The following ITGA4 variants were observed in gnomAD, a reference collection of about 807,000 sequenced individuals.
ITGA4 encodes the protein integrin subunit alpha 4, also known as integrin alpha-4.
A neutral mutation model predicts 133.6 loss-of-function variants in ITGA4; 63 were observed. The observed-to-expected ratio is 0.47, with a 90% CI of 0.38 to 0.58. ITGA4 has a LOEUF of 0.58. Ranked by LOEUF, ITGA4 falls within the 20% of genes least tolerant of loss-of-function variation. The probability of loss-of-function intolerance (pLI) is 0.00; values close to 1 mark genes in which losing one functional copy is unlikely to be tolerated. For missense variants in ITGA4, 1,076 were observed against 1,252.7 expected (o/e 0.86, Z 2.13); for synonymous variants, 483 against 438.0 (o/e 1.10, Z -1.28).
intron 27 of ITGA4, among the ~76,000 whole-genome samples, chr2:181,535,136 G>A (rs931107805): frequency 2.6e-5 from 4 of 151,896 alleles, no homozygotes; most frequent in African/African-American, 9.7e-5. Context: ...TTGAAAGACA[G>A]ACGTTCCTTT....
At chr2:181,466,437 T>A (rs926447254) in intron 2 of ITGA4, among the ~76,000 whole-genome samples, 24 of 152,080 alleles carry the variant, frequency 1.6e-4, no homozygotes, top group African/African-American at 3.1e-4. Flanking sequence ...CACATTTTTT[T>A]AAAAAAACAT....
chr2:181,462,679 G>T (rs1685315148), intron 2 of ITGA4, among the ~76,000 whole-genome samples: 2 of 152,280 alleles, frequency 1.3e-5, no homozygotes, highest in Admixed American at 1.3e-4. Flanking sequence ...TTACCAGAAA[G>T]AAGTTTCCTT....
intron 5 of ITGA4, chr2:181,479,529 G>A (rs1685756796): frequency 6.6e-6 from 1 of 151,904 alleles, no homozygotes; most frequent in Admixed American, 6.6e-5. Flanking sequence ...TTGTTTAGGA[G>A]TATAGAAATA....
At chr2:181,461,271 G>GC (rs1685269628) in intron 2 of ITGA4, among the ~76,000 whole-genome samples, 2 of 149,838 alleles carry the variant, frequency 1.3e-5, no homozygotes, top group African/African-American at 4.9e-5. Context: ...TGACTGCAGA[G>GC]CCAGCACCAA....
Position 181,495,806 on chromosome 2 carries a change from A to T in ITGA4, c.1409A>T (p.Asp470Val). The T allele has an allele frequency of 6.2e-7, 1 of 1,613,844 alleles. No homozygotes were observed. The highest frequency in any genetic ancestry group is 8.5e-7 in the Non-Finnish European group (1 of 1,179,800). ...LLRTRPVVIV[D>V]ASLSHPESVN... ...AGGACAAGACCTGTAGTAATTGTTG[A>T]CGCTTCTTTAAGCCACCCTGAGTCA... is the stretch of plus-strand genomic sequence containing the variant. The change falls in exon 14 of 28, where the codon GAC (aspartate) becomes GTC (valine). Residue 470 changes from aspartate to valine, a missense_variant. Asp to Val is a radical substitution (Grantham distance 152, BLOSUM62 -3). Coordinates refer to ENST00000397033, the MANE Select transcript of ITGA4 (RefSeq NM_000885.6). This position sits in a 1 kb window ranked among gnomAD's most constrained non-coding sequence, Gnocchi z 4.3.
At chr2:181,489,636 G>A (rs190222209) in intron 10 of ITGA4, among the ~76,000 whole-genome samples, 20 of 152,156 alleles carry the variant, frequency 1.3e-4, no homozygotes, top group Admixed American at 3.3e-4. Flanking sequence ...TTAATATATC[G>A]TCAAATCATT....
At chr2:181,527,574 T>G (rs1031062919) in intron 22 of ITGA4, 187 bp downstream of exon 22, 3 of 506,682 alleles carry the variant, frequency 5.9e-6, no homozygotes, top group Non-Finnish European at 1.1e-5. Flanking sequence ...ACTTGTCTTG[T>G]CCCTGATATT....
Position 181,495,226 on chromosome 2 carries a change from G to C in ITGA4, c.1340-145G>C. 1.6e-6 allele frequency: 1 copy of C among 619,128 alleles called. No individual in the cohort carries two copies. The highest frequency in any genetic ancestry group is 2.9e-6 in the Non-Finnish European group (1 of 347,378). 38.4% of individuals were successfully genotyped at this position (619,128 alleles called of 1,614,324 possible). On this transcript the variant is annotated intron_variant, in intron 12 of 27. Transcript: ENST00000397033. The surrounding 1 kb of genome is among the most constrained non-coding windows in gnomAD (Gnocchi z 4.3). Reference sequence around the variant, plus strand: ...GATTCAGAGAAAAGTGGAAAGAATCGTAAGATGTTAGCATATATTCTCTAA... The same window carrying C: ...GATTCAGAGAAAAGTGGAAAGAATCCTAAGATGTTAGCATATATTCTCTAA...
chr2:181,535,616 T>C lies in ITGA4; in HGVS notation c.*89T>C. 6.8e-7 allele frequency: 1 copy of C among 1,460,084 alleles called. No individual in the cohort carries two copies. The allele number at this position is 1,460,084 out of a possible 1,614,324, so 90.4% of individuals were successfully genotyped here. A position where few individuals can be genotyped will look rare whatever the true frequency, so the allele number is the denominator to read the frequency against. On this transcript the variant is annotated 3_prime_UTR_variant, in exon 28 of 28. Coordinates refer to ENST00000397033, the MANE Select transcript of ITGA4 (RefSeq NM_000885.6). ...CACTGTTTACAAGAAAAAATGAATT[T>C]TGTTTGGACTTCTTTTACTCATGAT...
In ITGA4 at chr2:181,457,646, C is replaced by T. The variant is rs1188274697; in HGVS notation, c.-9C>T. 4.4e-6 allele frequency: 7 copies of T among 1,607,536 alleles called. No individual in the cohort carries two copies. Among genetic ancestry groups the T allele is most frequent in the Admixed American group, 1.7e-5 (1 of 59,496 alleles). ...CCGTTTAGTGTTGAATGTTCCCCAC[C>T]GAGAGCGCATGGCTTGGGAAGCGAG... On this transcript the variant is annotated 5_prime_UTR_variant, in exon 1 of 28. Transcript: ENST00000397033.
chr2:181,513,108 C>A (rs1327671381), intron 17 of ITGA4, among the ~76,000 whole-genome samples: 1 of 151,922 alleles, frequency 6.6e-6, no homozygotes, highest in Non-Finnish European at 1.5e-5. Flanking sequence ...TTATTTAGCC[C>A]TTTCTTTTCA....
At chr2:181,514,561 CTT>C (rs1686570017) in intron 17 of ITGA4, among the ~76,000 whole-genome samples, 1 of 152,070 alleles carries the variant, frequency 6.6e-6, no homozygotes, top group African/African-American at 2.4e-5. Flanking sequence ...AGTTGAATAA[CTT>C]ATAATCTTCC....
In ITGA4 at chr2:181,530,537, A is replaced by G; in HGVS notation, c.2552A>G (p.Glu851Gly). 3 of 1,613,034 alleles carry G rather than the reference A, an allele frequency of 1.9e-6. No homozygotes were observed. Among genetic ancestry groups the G allele is most frequent in the Non-Finnish European group, 2.5e-6 (3 of 1,179,250 alleles). The change falls in exon 24 of 28, where the codon GAA becomes GGA. Residue 851 changes from glutamate to glycine, a missense_variant. By Grantham distance (98) the Glu-to-Gly change is moderately conservative (BLOSUM62 -2). Coordinates refer to ENST00000397033, the MANE Select transcript of ITGA4 (RefSeq NM_000885.6). ...NILDVQTTTG[E>G]CHFENYQRVC... is the part of the protein sequence containing the mutation. ...CTGTCTTCATAGACTACTACTGGAG[A>G]ATGCCACTTTGAAAATTATCAAAGA...
chr2:181,512,153 A>G (rs1025645502), intron 17 of ITGA4, among the ~76,000 whole-genome samples: 5 of 152,102 alleles, frequency 3.3e-5, no homozygotes, highest in Admixed American at 2.6e-4. Context: ...TTTGTATCAT[A>G]TCTGGATCCC....
Position 181,535,554 on chromosome 2 carries a change from A to T in ITGA4, c.*27A>T, listed in dbSNP as rs1277290840. ...GACTTCTTTCAAATTGAGAGAATGG[A>T]AAACAGACTCAGGTTGTAGTAAAGA... On this transcript the variant is annotated 3_prime_UTR_variant, in exon 28 of 28. Coordinates refer to ENST00000397033, the MANE Select transcript of ITGA4 (RefSeq NM_000885.6). The T allele has an allele frequency of 6.3e-7, 1 of 1,576,424 alleles. No individual in the cohort carries two copies. The highest frequency in any genetic ancestry group is 1.2e-5 in the South Asian group (1 of 83,522).
At chr2:181,471,804 ATTC>A (rs763005494) in intron 2 of ITGA4, among the ~76,000 whole-genome samples, 1 of 152,124 alleles carries the variant, frequency 6.6e-6, no homozygotes, top group Non-Finnish European at 1.5e-5. Flanking sequence ...TCCTACATTT[ATTC>A]TTAAGTAAAC....
rs932005218 is a variant in ITGA4 at position 181,537,153 on chromosome 2, T to C, written c.*1626T>C. On this transcript the variant is annotated 3_prime_UTR_variant, in exon 28 of 28. Coordinates refer to ENST00000397033, the MANE Select transcript of ITGA4 (RefSeq NM_000885.6). Reference sequence around the variant, plus strand: ...AAACTTTGTATCGTTATAAAAAGGCTAGTCATTCTTTCAGGAGAACATCTA... The same window carrying C: ...AAACTTTGTATCGTTATAAAAAGGCCAGTCATTCTTTCAGGAGAACATCTA... 1 of 453,820 alleles carries C rather than the reference T, an allele frequency of 2.2e-6. No individual in the cohort carries two copies. The highest frequency in any genetic ancestry group is 4.4e-6 in the Non-Finnish European group (1 of 226,714). 28.1% of individuals were successfully genotyped at this position (453,820 alleles called of 1,614,324 possible). A position where few individuals can be genotyped will look rare whatever the true frequency, so the allele number is the denominator to read the frequency against.
Position 181,538,719 on chromosome 2 carries a change from T to C in ITGA4, c.*3192T>C, listed in dbSNP as rs769800327. Among the ~76,000 whole-genome samples the C allele has an allele frequency of 3.0e-4, 45 of 152,132 alleles. No individual in the cohort carries two copies. The highest frequency in any genetic ancestry group is 1.9e-3 in the Admixed American group (29 of 15,248). On this transcript the variant is annotated 3_prime_UTR_variant, in exon 28 of 28. Transcript: ENST00000397033. ...AATTATGAGTGAGAGGAAACTAAGATGGAAGGATAAAAATCTAACACTTTA... is the reference window on the plus strand; with the variant it reads ...AATTATGAGTGAGAGGAAACTAAGACGGAAGGATAAAAATCTAACACTTTA...
chr2:181,516,087 A>C lies in ITGA4; in HGVS notation c.1922+4312A>C, dbSNP rs1686600663. Among the ~76,000 whole-genome samples, 1 of 152,064 alleles carries C rather than the reference A, an allele frequency of 6.6e-6. No homozygotes were observed. Among genetic ancestry groups the C allele is most frequent in the South Asian group, 2.1e-4 (1 of 4,830 alleles). On this transcript the variant is annotated intron_variant, in intron 17 of 27. Coordinates refer to ENST00000397033, the MANE Select transcript of ITGA4 (RefSeq NM_000885.6). The surrounding 1 kb of genome is among the most constrained non-coding windows in gnomAD (Gnocchi z 4.0). The stretch of plus-strand genomic sequence containing the variant: ...CATTTATAAAGGACTTGCAGTGCAA[A>C]ATAAAGATGAACCAACACGACTTCA...
Sources: gnomAD v4.1 joint callset for allele counts (sites outside exome capture counted in the v4.1 genomes callset) on GRCh38, gnomAD v4.1.1 for gene constraint, Gnocchi (gnomAD v3.1) non-coding constraint, MANE v1.5 for transcripts, NCBI Gene and HGNC (gene_info 2026-07-23, HGNC 2026-07-21) for gene names.